TSC22D1: variants seen among roughly 807,000 people sequenced by gnomAD.
The protein encoded by TSC22D1 is TSC22 domain family protein 1.
A neutral mutation model predicts 74.2 loss-of-function variants in TSC22D1; 9 were observed. The ratio of observed to expected loss-of-function variants is 0.12; its 90% CI spans 0.07 to 0.21. The LOEUF (loss-of-function observed/expected upper bound fraction) is 0.21, where lower values mean the gene tolerates loss of function less well. Ranked by LOEUF, TSC22D1 falls within the 10% of genes least tolerant of loss-of-function variation. TSC22D1 has a pLI of 1.00. For synonymous variants in TSC22D1, 586 were observed against 492.5 expected (o/e 1.19, Z -2.51); for missense variants, 1,427 against 1,304.7 (o/e 1.09, Z -1.44).
chr13:44,538,902 GAACA>G, intron 1 of TSC22D1: 1 of 985,310 alleles, frequency 1.0e-6, no homozygotes, highest in Non-Finnish European at 1.2e-6. Context: ...GGCAATTAAA[GAACA>G]AATAAACCAG....
At chr13:44,536,992 T>C (rs1337481370) in intron 1 of TSC22D1, 1 of 954,858 alleles carries the variant, frequency 1.0e-6, no homozygotes. Context: ...AGAATACATA[T>C]TCAGAAATAT....
chr13:44,490,860 G>A (rs1250001507), intron 1 of TSC22D1, among the ~76,000 whole-genome samples: 2 of 151,256 alleles, frequency 1.3e-5, no homozygotes, highest in Non-Finnish European at 2.9e-5. Context: ...TTACGCCACT[G>A]CACTCCAGCC....
chr13:44,448,536 G>C (rs1875868412), intron 1 of TSC22D1, among the ~76,000 whole-genome samples: 1 of 152,158 alleles, frequency 6.6e-6, no homozygotes, highest in South Asian at 2.1e-4. Flanking sequence ...GCCTAGGTAA[G>C]CATTAACACA....
At chr13:44,440,489 G>T (rs1875101818) in intron 1 of TSC22D1, among the ~76,000 whole-genome samples, 1 of 151,428 alleles carries the variant, frequency 6.6e-6, no homozygotes, top group African/African-American at 2.4e-5. Flanking sequence ...TACTGGGGAG[G>T]CTGACGAAGA....
At chr13:44,568,819 T>C (rs562620575) in intron 1 of TSC22D1, among the ~76,000 whole-genome samples, 1 of 152,172 alleles carries the variant, frequency 6.6e-6, no homozygotes, top group African/African-American at 2.4e-5. Context: ...CGCTGACAGA[T>C]GAAAACCTGG....
At chr13:44,517,841 ATATATATATATATATATT>A (rs1880103125) in intron 1 of TSC22D1, among the ~76,000 whole-genome samples, 1 of 21,296 alleles carries the variant, frequency 4.7e-5, no homozygotes, top group Non-Finnish European at 1.9e-4. Context: ...ATATATATAT[ATATATATATATATATATT>A]TTTTTTTTTT....
chr13:44,531,772 A>G (rs543405565), intron 1 of TSC22D1, among the ~76,000 whole-genome samples: 52 of 152,332 alleles, frequency 3.4e-4, no homozygotes, highest in African/African-American at 1.0e-3. Flanking sequence ...TGGTAATTAA[A>G]AGCACTATTA....
chr13:44,498,004 C>T (rs1255255798), intron 1 of TSC22D1, among the ~76,000 whole-genome samples: 1 of 151,866 alleles, frequency 6.6e-6, no homozygotes, highest in African/African-American at 2.4e-5. Flanking sequence ...CACTTCCTGT[C>T]ACTCCTCCCC....
At chr13:44,449,450 T>C (rs1390149416) in intron 1 of TSC22D1, among the ~76,000 whole-genome samples, 1 of 152,230 alleles carries the variant, frequency 6.6e-6, no homozygotes, top group East Asian at 1.9e-4. Context: ...AAGAAAATGA[T>C]GCTCACTTGT....
chr13:44,456,256 G>A (rs1044696639), intron 1 of TSC22D1, among the ~76,000 whole-genome samples: 4 of 152,186 alleles, frequency 2.6e-5, no homozygotes, highest in Non-Finnish European at 4.4e-5. Flanking sequence ...ACCCGAGCGG[G>A]TTGCTGCTGC....
At chr13:44,481,227 G>A (rs1878162193) in intron 1 of TSC22D1, among the ~76,000 whole-genome samples, 1 of 152,198 alleles carries the variant, frequency 6.6e-6, no homozygotes, top group Non-Finnish European at 1.5e-5. Context: ...GGATCCTCGG[G>A]GCTTGAGACT....
chr13:44,526,971 T>C (rs1411427507), intron 1 of TSC22D1, among the ~76,000 whole-genome samples: 1 of 152,114 alleles, frequency 6.6e-6, no homozygotes, highest in Non-Finnish European at 1.5e-5. Flanking sequence ...ACCTTACCTA[T>C]TGAGGAACAA....
intron 1 of TSC22D1, among the ~76,000 whole-genome samples, chr13:44,511,644 AC>A (rs1879722570): frequency 6.6e-6 from 1 of 151,926 alleles, no homozygotes; most frequent in Non-Finnish European, 1.5e-5. Context: ...ACACACACAC[AC>A]ACACACTTTT....
chr13:44,564,870 T>A (rs1379514184), intron 1 of TSC22D1, among the ~76,000 whole-genome samples: 3 of 151,970 alleles, frequency 2.0e-5, no homozygotes, highest in Admixed American at 6.6e-5. Context: ...AAAAAAAAGA[T>A]GAAGATATAT....
chr13:44,456,526 T>G (rs192465890), intron 1 of TSC22D1, among the ~76,000 whole-genome samples: 10 of 152,284 alleles, frequency 6.6e-5, no homozygotes, highest in African/African-American at 1.9e-4. Context: ...ATCCTTTACC[T>G]AGACAGAAAA....
At chr13:44,485,466 C>T (rs1878387915) in intron 1 of TSC22D1, among the ~76,000 whole-genome samples, 1 of 152,016 alleles carries the variant, frequency 6.6e-6, no homozygotes, top group Non-Finnish European at 1.5e-5. Context: ...TTAAATTAAT[C>T]CCATACATAA....
Position 44,434,138 on chromosome 13 carries a change from A to G in TSC22D1, c.*488T>C. On this transcript the variant is annotated 3_prime_UTR_variant, in exon 3 of 3. Coordinates refer to ENST00000458659, the MANE Select transcript of TSC22D1 (RefSeq NM_183422.4). ...TTTTGGTGACAGTTGTCAAATTTGT[A>G]CAGTGAACTCTGTTCCCCCTCATTT... The G allele has an allele frequency of 1.3e-6, 2 of 1,498,702 alleles. No individual in the cohort carries two copies. Among genetic ancestry groups the G allele is most frequent in the Non-Finnish European group, 1.8e-6 (2 of 1,137,050 alleles). 92.8% of individuals were successfully genotyped at this position (1,498,702 alleles called of 1,614,324 possible). A position where few individuals can be genotyped will look rare whatever the true frequency, so the allele number is the denominator to read the frequency against.
chr13:44,493,899 C>T (rs1489606174), intron 1 of TSC22D1, among the ~76,000 whole-genome samples: 1 of 152,114 alleles, frequency 6.6e-6, no homozygotes, highest in Non-Finnish European at 1.5e-5. Context: ...ACACTTCAGA[C>T]ATCATACATG....
rs1390328192 is a variant in TSC22D1, at chr13:44,573,620, G to A, written c.2455C>T (p.Pro819Ser). The change falls in exon 1 of 3, where the codon CCT (proline) becomes TCT (serine). Residue 819 changes from proline (P) to serine (S), a missense_variant. This residue lies in a region of TSC22D1 where 1,343 missense variants were observed against 1,191.5 expected (regional missense o/e 1.13). Coordinates refer to ENST00000458659, the MANE Select transcript of TSC22D1 (RefSeq NM_183422.4). The stretch of plus-strand genomic sequence containing the variant: ...GCAGAGGGCAAAGAACTAACTGCAG[G>A]CAACTGCTGTGAAACAATTCCTTGA... ...VAQGIVSQQL[P>S]AVSSLPSASS... The A allele has an allele frequency of 3.7e-6, 6 of 1,614,234 alleles. No homozygotes were observed. In the Admixed American group the frequency reaches 8.3e-5, roughly 22 times the overall value.
Sources: allele counts gnomAD v4.1 joint callset (sites outside exome capture counted in the v4.1 genomes callset), GRCh38; gene constraint gnomAD v4.1.1; regional missense constraint gnomAD v4.1.1; transcripts MANE v1.5; gene names NCBI Gene and HGNC (gene_info 2026-07-23, HGNC 2026-07-21).